The following PDE10A variants were observed in gnomAD, a reference collection of about 807,000 sequenced individuals.
PDE10A encodes phosphodiesterase 10A.
PDE10A carries 39 observed loss-of-function variants against 97.7 expected under a neutral mutation model. The ratio of observed to expected loss-of-function variants is 0.40; its 90% CI spans 0.31 to 0.52. The LOEUF is 0.52. Among genes scored for constraint, PDE10A ranks in the 20% least tolerant of loss-of-function variants. PDE10A has a pLI of 0.56. For synonymous variants in PDE10A, 371 were observed against 376.8 expected, an observed-to-expected ratio of 0.98 and a Z score of 0.18; for missense variants, 731 against 1,047.8, an observed-to-expected ratio of 0.70 and a Z score of 4.17.
At chr6:165,404,264 AATAAC>A (rs1786921488) in intron 13 of PDE10A, among the ~76,000 whole-genome samples, 1 of 152,126 alleles carries the variant, frequency 6.6e-6, no homozygotes, top group Admixed American at 6.6e-5. Flanking sequence ...CGACTAAAGA[AATAAC>A]AGACCCATCG....
intron 1 of PDE10A, among the ~76,000 whole-genome samples, chr6:165,783,816 C>T (rs1187024591): frequency 6.6e-6 from 1 of 152,158 alleles, no homozygotes; most frequent in Non-Finnish European, 1.5e-5. Flanking sequence ...AGTGAGGTTA[C>T]GTGACTTGCC....
At chr6:165,368,608 C>G (rs1005285078) in intron 18 of PDE10A, among the ~76,000 whole-genome samples, 2 of 151,990 alleles carry the variant, frequency 1.3e-5, no homozygotes, top group Admixed American at 1.3e-4. Flanking sequence ...ACACAAATAG[C>G]TCAAAATAGA....
At chr6:165,426,248 T>G (rs1410907631) in intron 10 of PDE10A, among the ~76,000 whole-genome samples, 1 of 152,138 alleles carries the variant, frequency 6.6e-6, no homozygotes, top group East Asian at 1.9e-4. Flanking sequence ...AAAAGAATCT[T>G]GAAAAGTTAG....
intron 1 of PDE10A, among the ~76,000 whole-genome samples, chr6:165,960,934 T>C (rs1395757996): frequency 7.9e-5 from 12 of 152,154 alleles, no homozygotes; most frequent in Non-Finnish European, 5.9e-5. Context: ...CAGGCTCCAT[T>C]GCTTGCAATG....
Position 165,914,631 on chromosome 6 carries a change from G to A in PDE10A, c.-615+72898C>T, listed in dbSNP as rs146585372. On this transcript the variant is annotated intron_variant, in intron 1 of 19. Coordinates refer to the PDE10A transcript ENST00000366882. ...CAGACAGAATGGGTCACTAGAAAAA[G>A]TGGATGAGATACGTGAACCATCCTC... Among the ~76,000 whole-genome samples, 29 of 152,320 alleles carry A rather than the reference G, an allele frequency of 1.9e-4. No homozygotes were observed. In the East Asian group the frequency reaches 5.4e-3, roughly 28 times the overall value.
intron 18 of PDE10A, among the ~76,000 whole-genome samples, chr6:165,371,633 A>G (rs948254755): frequency 5.9e-5 from 9 of 152,324 alleles, no homozygotes; most frequent in South Asian, 2.1e-4. Flanking sequence ...ATTCACAGCC[A>G]AATTCTACCA....
chr6:165,978,880 A>G (rs572936079), intron 1 of PDE10A, among the ~76,000 whole-genome samples: 2 of 152,352 alleles, frequency 1.3e-5, no homozygotes, highest in African/African-American at 4.8e-5. Context: ...ATGTTTATAA[A>G]TAACTCTGAA....
At chr6:165,520,906 T>C (rs1782090937) in intron 2 of PDE10A, among the ~76,000 whole-genome samples, 1 of 152,138 alleles carries the variant, frequency 6.6e-6, no homozygotes, top group African/African-American at 2.4e-5. Flanking sequence ...CTTCAGGCTC[T>C]GGGAAGAGCC....
intron 18 of PDE10A, among the ~76,000 whole-genome samples, chr6:165,365,974 C>T (rs1346158946): frequency 6.6e-6 from 1 of 152,046 alleles, no homozygotes; most frequent in Non-Finnish European, 1.5e-5. Flanking sequence ...TATTAAAGAA[C>T]TAATTCCATG....
At chr6:165,506,623 A>T (rs932966954) in intron 2 of PDE10A, among the ~76,000 whole-genome samples, 11 of 152,184 alleles carry the variant, frequency 7.2e-5, no homozygotes, top group African/African-American at 2.7e-4. Flanking sequence ...ATTGGAAGGT[A>T]CGCAATCTCA....
intron 1 of PDE10A, among the ~76,000 whole-genome samples, chr6:165,560,003 G>A (rs752400550): frequency 2.0e-5 from 3 of 152,074 alleles, no homozygotes; most frequent in South Asian, 2.1e-4. Context: ...GTGTGAAAAC[G>A]AATTAATACA....
chr6:165,395,045 T>C (rs1786047338), intron 15 of PDE10A, 136 bp downstream of exon 15: 1 of 546,698 alleles, frequency 1.8e-6, no homozygotes, highest in Non-Finnish European at 3.3e-6. Context: ...TTGGAATATT[T>C]AGGAAAAAAA....
intron 2 of PDE10A, among the ~76,000 whole-genome samples, chr6:165,543,062 T>C (rs1485418313): frequency 6.6e-6 from 1 of 152,224 alleles, no homozygotes; most frequent in African/African-American, 2.4e-5. Flanking sequence ...AGGATTTCTT[T>C]TTGTAATAGA....
chr6:165,522,947 C>A (rs367829095), intron 2 of PDE10A, among the ~76,000 whole-genome samples: 174 of 151,784 alleles, frequency 1.1e-3, no homozygotes, highest in African/African-American at 4.0e-3. Flanking sequence ...AATAAATGTA[C>A]AAAAATCAAT....
At chr6:165,577,345 T>C (rs1785361523) in intron 1 of PDE10A, among the ~76,000 whole-genome samples, 1 of 152,310 alleles carries the variant, frequency 6.6e-6, no homozygotes, top group Admixed American at 6.5e-5. Flanking sequence ...GGAGTGATCC[T>C]TGGGCCCAAA....
In PDE10A at chr6:165,491,685, C is replaced by T. The variant is rs555751923; in HGVS notation, c.995-9342G>A. ...ACACTATAATAGTGACATGATCTAT[C>T]AAAACCTCTAGGATACAGCAAAAGT... On this transcript the variant is annotated intron_variant, in intron 2 of 21. Coordinates refer to ENST00000539869, the MANE Select transcript of PDE10A (RefSeq NM_001385079.1). 1.8e-4 allele frequency among the ~76,000 whole-genome samples: 27 copies of T among 152,078 alleles called. No homozygotes were observed. The South Asian group carries it at 5.2e-3, about 29-fold the overall frequency.
intron 1 of PDE10A, among the ~76,000 whole-genome samples, chr6:165,569,892 A>G (rs566648995): frequency 7.2e-5 from 11 of 152,220 alleles, no homozygotes; most frequent in Non-Finnish European, 1.6e-4. Flanking sequence ...TTTTCTGGAG[A>G]GGAAAAAATT....
At chr6:165,688,735 A>T (rs1007962064) in intron 1 of PDE10A, among the ~76,000 whole-genome samples, 3 of 152,190 alleles carry the variant, frequency 2.0e-5, no homozygotes. Flanking sequence ...AACAATATAT[A>T]GCCAAACTTT....
At chr6:165,725,990 A>G (rs944662777) in intron 1 of PDE10A, among the ~76,000 whole-genome samples, 1 of 152,210 alleles carries the variant, frequency 6.6e-6, no homozygotes. Context: ...GGCACTACCC[A>G]TGTTCTCCAG....
Sources: allele counts gnomAD v4.1 joint callset (sites outside exome capture counted in the v4.1 genomes callset), GRCh38; gene constraint gnomAD v4.1.1; transcripts MANE v1.5; gene names NCBI Gene and HGNC (gene_info 2026-07-23, HGNC 2026-07-21).